The following SNRPC variants were observed in gnomAD, a reference collection of about 807,000 sequenced individuals.
SNRPC encodes small nuclear ribonucleoprotein polypeptide C.
Under a neutral mutation model 20.0 loss-of-function variants are expected in SNRPC, and 5 were observed. The ratio of observed to expected loss-of-function variants is 0.25; its 90% CI spans 0.13 to 0.53. The LOEUF is 0.53. Among genes scored for constraint, SNRPC ranks in the 20% least tolerant of loss-of-function variants. The pLI is 0.96. For synonymous variants in SNRPC, 61 were observed against 58.7 expected (o/e 1.04, Z -0.18); for missense variants, 112 against 224.1 (o/e 0.50, Z 3.19).
intron 3 of SNRPC, among the ~76,000 whole-genome samples, 191 bp downstream of exon 3, chr6:34,762,894 T>C (rs1764556192): frequency 6.6e-6 from 1 of 152,194 alleles, no homozygotes; most frequent in African/African-American, 2.4e-5. Flanking sequence ...TTATTGAGGA[T>C]AGAGCAGTCA....
intron 4 of SNRPC, among the ~76,000 whole-genome samples, chr6:34,768,753 C>CAA (rs11284276): frequency 2.5e-4 from 24 of 97,624 alleles, no homozygotes; most frequent in African/African-American, 5.8e-4. Context: ...GACTTTGTCT[C>CAA]AAAAAAAAAA....
Position 34,773,679 on chromosome 6 carries a change from C to A in SNRPC, c.*109C>A, listed in dbSNP as rs1764719280. On this transcript the variant is annotated 3_prime_UTR_variant, in exon 6 of 6. Coordinates refer to ENST00000244520, the MANE Select transcript of SNRPC (RefSeq NM_003093.3). The surrounding 1 kb of genome is among the most constrained non-coding windows in gnomAD (Gnocchi z 4.1). Reference sequence around the variant, plus strand: ...TTCTAAACAGCATAAGGAAGACTTGCTCCCCTGTCCTATGAAAGAGAATAG... The same window carrying A: ...TTCTAAACAGCATAAGGAAGACTTGATCCCCTGTCCTATGAAAGAGAATAG... 2.3e-6 allele frequency: 2 copies of A among 888,814 alleles called. No individual in the cohort carries two copies. Among genetic ancestry groups the A allele is most frequent in the African/African-American group, 1.6e-5 (1 of 60,844 alleles). 55.1% of individuals were successfully genotyped at this position (888,814 alleles called of 1,614,324 possible). A position where few individuals can be genotyped will look rare whatever the true frequency, so the allele number is the denominator to read the frequency against.
At chr6:34,770,251 G>A in intron 4 of SNRPC, 40 bp from the exon 5 acceptor site, 1 of 1,351,728 alleles carries the variant, frequency 7.4e-7, no homozygotes, top group Non-Finnish European at 1.1e-6. Flanking sequence ...ATGTTAATAT[G>A]TGAGCACACC....
chr6:34,765,836 T>C (rs1318533140), intron 3 of SNRPC, among the ~76,000 whole-genome samples: 1 of 152,050 alleles, frequency 6.6e-6, no homozygotes, highest in Non-Finnish European at 1.5e-5. Context: ...ATTTCTGGGC[T>C]CAGGTGATCC....
Position 34,772,430 on chromosome 6 carries a change from G to A in SNRPC, c.356-1016G>A, listed in dbSNP as rs1017094215. On this transcript the variant is annotated intron_variant, in intron 5 of 5. Coordinates refer to ENST00000244520, the MANE Select transcript of SNRPC (RefSeq NM_003093.3). Reference sequence around the variant, plus strand: ...TAGGTTAAGCATGGGCTTTTATGTCGTATTTAGAAGTTAGTAGTATTCTCT... The same window carrying A: ...TAGGTTAAGCATGGGCTTTTATGTCATATTTAGAAGTTAGTAGTATTCTCT... Among the ~76,000 whole-genome samples, 12 of 152,036 alleles carry A rather than the reference G, an allele frequency of 7.9e-5. No homozygotes were observed. The East Asian group carries it at 9.6e-4, about 12-fold the overall frequency.
chr6:34,758,230 A>G (rs2127405196), intron 2 of SNRPC, among the ~76,000 whole-genome samples: 1 of 152,258 alleles, frequency 6.6e-6, no homozygotes, highest in East Asian at 1.9e-4. Context: ...GTGAGGCATG[A>G]TCAGGCACTG....
chr6:34,762,303 G>GAA (rs111917822), intron 2 of SNRPC, among the ~76,000 whole-genome samples: 2 of 138,460 alleles, frequency 1.4e-5, no homozygotes, highest in Non-Finnish European at 1.6e-5. Context: ...GACCCTGTTA[G>GAA]AAAAAAAAAA....
intron 2 of SNRPC, among the ~76,000 whole-genome samples, chr6:34,759,713 T>G (rs919167077): frequency 2.6e-4 from 39 of 152,198 alleles, no homozygotes; most frequent in African/African-American, 9.2e-4. Context: ...AGTGAAAATG[T>G]CAATACAGTG....
intron 5 of SNRPC, among the ~76,000 whole-genome samples, chr6:34,770,884 T>C (rs1395507138): frequency 6.6e-6 from 1 of 152,258 alleles, no homozygotes; most frequent in Non-Finnish European, 1.5e-5. Context: ...CTTGGCCACA[T>C]CATTATATTA....
intron 4 of SNRPC, 70 bp downstream of exon 4, chr6:34,768,067 C>T (rs1282154627): frequency 7.2e-7 from 1 of 1,397,592 alleles, no homozygotes; most frequent in Non-Finnish European, 9.8e-7. Flanking sequence ...TAGATTATCT[C>T]ACCGTTGGCT....
chr6:34,769,889 A>C (rs1190695129), intron 4 of SNRPC, among the ~76,000 whole-genome samples: 1 of 152,160 alleles, frequency 6.6e-6, no homozygotes, highest in Non-Finnish European at 1.5e-5. Flanking sequence ...GTTGTTTCAG[A>C]ATTTGAAGGA....
At chr6:34,767,757 T>C (rs1260980136) in intron 3 of SNRPC, 151 bp from the exon 4 acceptor site, 3 of 748,582 alleles carry the variant, frequency 4.0e-6, no homozygotes, top group East Asian at 6.0e-5. Context: ...ATTTTAAAAC[T>C]GTAGAACCAT....
At chr6:34,765,773 CTG>C (rs1282499593) in intron 3 of SNRPC, among the ~76,000 whole-genome samples, 1 of 151,940 alleles carries the variant, frequency 6.6e-6, no homozygotes, top group African/African-American at 2.4e-5. Flanking sequence ...GAGTCTCACT[CTG>C]TTGCCCAGAC....
intron 2 of SNRPC, among the ~76,000 whole-genome samples, chr6:34,761,755 C>T (rs1764540480): frequency 6.6e-6 from 1 of 151,356 alleles, no homozygotes; most frequent in Non-Finnish European, 1.5e-5. Flanking sequence ...GTGATCCACC[C>T]ACCTCGGCCT....
intron 2 of SNRPC, among the ~76,000 whole-genome samples, chr6:34,759,930 A>T (rs1325938163): frequency 6.6e-6 from 1 of 152,164 alleles, no homozygotes; most frequent in African/African-American, 2.4e-5. Flanking sequence ...GCTGGTCTAA[A>T]TTATGATTCT....
intron 3 of SNRPC, among the ~76,000 whole-genome samples, chr6:34,764,566 G>A (rs1379907913): frequency 4.6e-5 from 7 of 152,136 alleles, no homozygotes; most frequent in African/African-American, 1.7e-4. Flanking sequence ...GGGAGACTGA[G>A]GCAGGAGAAT....
At chr6:34,763,237 T>C (rs1764560203) in intron 3 of SNRPC, among the ~76,000 whole-genome samples, 1 of 152,214 alleles carries the variant, frequency 6.6e-6, no homozygotes, top group Non-Finnish European at 1.5e-5. Context: ...AGGAACATTT[T>C]GTTCTGGCTT....
At chr6:34,772,379 C>T (rs976531409) in intron 5 of SNRPC, among the ~76,000 whole-genome samples, 1 of 152,158 alleles carries the variant, frequency 6.6e-6, no homozygotes, top group Non-Finnish European at 1.5e-5. Flanking sequence ...TATGTCCATC[C>T]ATTTCCTCTA....
At chr6:34,763,872 G>A (rs148024643) in intron 3 of SNRPC, among the ~76,000 whole-genome samples, 54,163 of 148,514 alleles carry the variant, frequency 0.36, 11,803 homozygotes, top group African/African-American at 0.61. Context: ...GCATGCCACC[G>A]TGCCTAGCCA....
Sources: allele counts gnomAD v4.1 joint callset (sites outside exome capture counted in the v4.1 genomes callset), GRCh38; gene constraint gnomAD v4.1.1; non-coding constraint Gnocchi (gnomAD v3.1); transcripts MANE v1.5; gene names NCBI Gene and HGNC (gene_info 2026-07-23, HGNC 2026-07-21).